CD200R1L: variants seen among roughly 807,000 people sequenced by gnomAD.
CD200R1L encodes CD200 receptor 1 like.
Under a neutral mutation model 24.8 loss-of-function variants are expected in CD200R1L, and 14 were observed. The ratio of observed to expected loss-of-function variants is 0.56; its 90% CI spans 0.37 to 0.88. CD200R1L has a LOEUF of 0.88. Ranked by LOEUF, CD200R1L falls within the 40% of genes least tolerant of loss-of-function variation. CD200R1L has a pLI of 0.00. For synonymous variants in CD200R1L, 111 were observed against 109.2 expected, an observed-to-expected ratio of 1.02 and a Z score of -0.11; for missense variants, 299 against 297.8, an observed-to-expected ratio of 1.00 and a Z score of -0.03.
chr3:112,819,827 CA>C lies in CD200R1L; in HGVS notation c.684del (p.Phe228LeufsTer16). 4 of 1,610,652 alleles carry C rather than the reference CA, an allele frequency of 2.5e-6. No homozygotes were observed. In the South Asian group the frequency reaches 3.3e-5, roughly 13 times the overall value. On this transcript the variant is annotated frameshift_variant, in exon 7 of 8. Coordinates refer to ENST00000488794, the MANE Select transcript of CD200R1L (RefSeq NM_001199215.3). LOFTEE classifies it high-confidence loss of function. ...LIILYVKLSL[F>X]VVILVTTGFV... ...AATCCTGTGGTGACCAGAATGACCA[CA>C]AAAAGAGAGAGTTTCACATAAAGAA...
chr3:112,831,013 G>C (rs144688748), intron 3 of CD200R1L, among the ~76,000 whole-genome samples: 2,865 of 152,280 alleles, frequency 0.019, 35 homozygotes, highest in South Asian at 0.04. Context: ...GGAGGAATAG[G>C]GGGGAGGCAT....
chr3:112,830,541 C>T (rs1481133109), intron 3 of CD200R1L, among the ~76,000 whole-genome samples: 6 of 84,284 alleles, frequency 7.1e-5, no homozygotes, highest in African/African-American at 2.9e-4. Flanking sequence ...TTCTCTCTTT[C>T]CTGTAGGCTT....
At chr3:112,843,743 G>A (rs1939133904) in intron 2 of CD200R1L, among the ~76,000 whole-genome samples, 1 of 152,108 alleles carries the variant, frequency 6.6e-6, no homozygotes, top group Non-Finnish European at 1.5e-5. Context: ...CACTTAAAAG[G>A]CACAGAGTGG....
chr3:112,839,005 C>T (rs1437597684), intron 2 of CD200R1L, among the ~76,000 whole-genome samples: 1 of 152,086 alleles, frequency 6.6e-6, no homozygotes, highest in African/African-American at 2.4e-5. Context: ...AAATTTCAAA[C>T]TTAACAGCTT....
Position 112,845,723 on chromosome 3 carries a change from A to G in CD200R1L, c.-131T>C. 3 of 1,613,054 alleles carry G rather than the reference A, an allele frequency of 1.9e-6. No individual in the cohort carries two copies. Among genetic ancestry groups the G allele is most frequent in the African/African-American group, 1.3e-5 (1 of 75,028 alleles). ...GGAAATCAGTAATCTTGGAGCTGAC[A>G]TCTTCCCTAAAGTATGCTTTTGGAG... On this transcript the variant is annotated 5_prime_UTR_variant, in exon 2 of 8. It removes an upstream start codon present in the reference 5' UTR. Transcript: ENST00000488794.
chr3:112,836,185 G>A (rs1047238998), intron 3 of CD200R1L, among the ~76,000 whole-genome samples: 8 of 152,192 alleles, frequency 5.3e-5, no homozygotes, highest in Non-Finnish European at 7.4e-5. Flanking sequence ...GGGGTAGTGC[G>A]GTCAGCTGCC....
intron 4 of CD200R1L, among the ~76,000 whole-genome samples, chr3:112,827,926 A>T (rs1938707210): frequency 6.6e-6 from 1 of 152,250 alleles, no homozygotes; most frequent in South Asian, 2.1e-4. Context: ...CAATATACAT[A>T]ACATTGTATT....
rs750985547 is a variant in CD200R1L, at chr3:112,827,627, A to G, written c.107T>C (p.Ile36Thr). The change falls in exon 5 of 8, where the codon ATC becomes ACC. Residue 36 changes from isoleucine (I) to threonine (T), a missense_variant. Ile to Thr is a moderately conservative substitution (Grantham distance 89). Coordinates refer to ENST00000488794, the MANE Select transcript of CD200R1L (RefSeq NM_001199215.3). ...TATTATGATCAAATTTCTTAATGCGATAGGAGGGCAACAAAGCACAGCATT... is the reference window on the plus strand; with the variant it reads ...TATTATGATCAAATTTCTTAATGCGGTAGGAGGGCAACAAAGCACAGCATT... The part of the protein sequence containing the change: ...DINAVLCCPP[I>T]ALRNLIIITW... The G allele has an allele frequency of 5.0e-6, 8 of 1,613,934 alleles. No homozygotes were observed. The East Asian group carries it at 1.6e-4, about 31-fold the overall frequency.
At chr3:112,837,539 C>T (rs988461632) in intron 3 of CD200R1L, among the ~76,000 whole-genome samples, 7 of 152,160 alleles carry the variant, frequency 4.6e-5, no homozygotes, top group Non-Finnish European at 1.0e-4. Context: ...ATCCCCTGGC[C>T]TCTTTTTTCC....
intron 7 of CD200R1L, chr3:112,818,851 A>G (rs1938460625): frequency 6.5e-6 from 1 of 154,434 alleles, no homozygotes; most frequent in African/African-American, 2.4e-5. Flanking sequence ...TTGCATGTGT[A>G]CTTACACTGT....
chr3:112,846,723 G>T lies in CD200R1L; in HGVS notation c.-457C>A, dbSNP rs972204104. 1.3e-5 allele frequency: 2 copies of T among 152,132 alleles called. No homozygotes were observed. Among genetic ancestry groups the T allele is most frequent in the African/African-American group, 4.8e-5 (2 of 41,422 alleles). The allele number at this position is 152,132 out of a possible 1,614,324, so 9.4% of individuals were successfully genotyped here. ...GATTGGTCCCTAATCCAATATGACT[G>T]GCGTCTTTGGTTTATTCTTTTTTTC... On this transcript the variant is annotated 5_prime_UTR_variant, in exon 1 of 8. Transcript: ENST00000488794.
Position 112,819,824 on chromosome 3 carries a change from C to G in CD200R1L, c.688G>C (p.Val230Leu). ...ACAAATCCTGTGGTGACCAGAATGA[C>G]CACAAAAAGAGAGAGTTTCACATAA... is the stretch of plus-strand genomic sequence containing the variant. The part of the protein sequence containing the change: ...ILYVKLSLFV[V>L]ILVTTGFVFF... The change falls in exon 7 of 8, where the codon GTC (valine) becomes CTC (leucine). Residue 230 changes from valine to leucine, a missense_variant. Val to Leu is a conservative substitution (Grantham distance 32). Transcript: ENST00000488794. 6.2e-7 allele frequency: 1 copy of G among 1,611,000 alleles called. No homozygotes were observed. Among genetic ancestry groups the G allele is most frequent in the Non-Finnish European group, 8.5e-7 (1 of 1,178,930 alleles).
chr3:112,823,268 C>T (rs775577556), intron 6 of CD200R1L, among the ~76,000 whole-genome samples: 1 of 152,310 alleles, frequency 6.6e-6, no homozygotes, highest in East Asian at 1.9e-4. Flanking sequence ...GGATTCTGAT[C>T]CTTTTGATTA....
chr3:112,829,927 C>T (rs994399472), intron 3 of CD200R1L, among the ~76,000 whole-genome samples: 2 of 152,174 alleles, frequency 1.3e-5, no homozygotes, highest in Non-Finnish European at 2.9e-5. Context: ...ATGGTAGACA[C>T]ATTGTGGCCC....
rs139964827 is a variant in CD200R1L at position 112,844,451 on chromosome 3, G to A, written c.-87+1228C>T. 1.5e-3 allele frequency among the ~76,000 whole-genome samples: 233 copies of A among 152,130 alleles called. 1 individual carries two copies. The highest frequency in any genetic ancestry group is 2.5e-3 in the Non-Finnish European group (170 of 68,006). ...ACAACTTGATCCTCAATAAGTTTTG[G>A]GTAGACAATAAAATTAAGGAAGAAA... On this transcript the variant is annotated intron_variant, in intron 2 of 7. Coordinates refer to ENST00000488794, the MANE Select transcript of CD200R1L (RefSeq NM_001199215.3).
At chr3:112,825,564 A>G (rs1938638241) in intron 6 of CD200R1L, among the ~76,000 whole-genome samples, 1 of 151,878 alleles carries the variant, frequency 6.6e-6, no homozygotes, top group African/African-American at 2.4e-5. Context: ...GGAGACACAA[A>G]TGAGTTAAGG....
At chr3:112,832,425 G>A (rs1938823011) in intron 3 of CD200R1L, among the ~76,000 whole-genome samples, 1 of 152,160 alleles carries the variant, frequency 6.6e-6, no homozygotes, top group African/African-American at 2.4e-5. Flanking sequence ...TCCTTGATCT[G>A]TAAAGTAAGT....
At position 112,827,519 on chromosome 3, in the gene CD200R1L, C is replaced by T. The variant is rs1224657845; in HGVS notation, c.215G>A (p.Cys72Tyr). Residue 72 changes from cysteine to tyrosine, a missense_variant, in exon 5 of 8, where the codon TGT becomes TAT. Transcript: ENST00000488794. Reference sequence around the variant, plus strand: ...GACCCAGGTTATTCTCTCAACAGTACAGTTGGTTTCCTTGGTCTCATTTGT... The same window carrying T: ...GACCCAGGTTATTCTCTCAACAGTATAGTTGGTTTCCTTGGTCTCATTTGT... Reference protein sequence around the residue: ...KETNETKETNCTVERITWVSR... With the variant: ...KETNETKETNYTVERITWVSR... The T allele has an allele frequency of 1.9e-6, 3 of 1,614,106 alleles. No individual in the cohort carries two copies. Among genetic ancestry groups the T allele is most frequent in the Non-Finnish European group, 1.7e-6 (2 of 1,180,044 alleles).
intron 3 of CD200R1L, among the ~76,000 whole-genome samples, chr3:112,834,389 T>C (rs1938883067): frequency 6.6e-6 from 1 of 152,018 alleles, no homozygotes; most frequent in South Asian, 2.1e-4. Context: ...CCCAGTAATT[T>C]TAGATTTGTG....
Sources: allele counts gnomAD v4.1 joint callset (sites outside exome capture counted in the v4.1 genomes callset), GRCh38; gene constraint gnomAD v4.1.1; transcripts MANE v1.5; gene names NCBI Gene and HGNC (gene_info 2026-07-23, HGNC 2026-07-21).